NCAM2: variants seen among roughly 807,000 people sequenced by gnomAD.
NCAM2 encodes the protein neural cell adhesion molecule 2, also known as N-CAM-2.
Under a neutral mutation model 98.1 loss-of-function variants are expected in NCAM2, and 30 were observed. The observed-to-expected ratio is 0.31, with a 90% CI of 0.23 to 0.41. The LOEUF (loss-of-function observed/expected upper bound fraction) is 0.41, where lower values mean the gene tolerates loss of function less well. Ranked by LOEUF, NCAM2 falls within the 10% of genes least tolerant of loss-of-function variation. NCAM2 has a pLI of 1.00. For synonymous variants in NCAM2, 368 were observed against 342.4 expected (o/e 1.07, Z -0.83); for missense variants, 867 against 1,005.8 (o/e 0.86, Z 1.87).
At chr21:20,998,974 C>T (rs1601042926) in intron 1 of NCAM2, among the ~76,000 whole-genome samples, 2 of 151,866 alleles carry the variant, frequency 1.3e-5, no homozygotes, top group East Asian at 1.9e-4. Context: ...TCTGAGGTTG[C>T]GGAAGGAAAG....
rs1326060864 is a variant in NCAM2 at position 21,125,500 on chromosome 21, TGTA to T, written c.55+126883_55+126885del. On this transcript the variant is annotated intron_variant, in intron 1 of 17. Coordinates refer to ENST00000400546, the MANE Select transcript of NCAM2 (RefSeq NM_004540.5). ...TCTATATATAGATATATATGTAATA[TGTA>T]ATATTTTACATATATAATATGTAAT... 2.5e-4 allele frequency among the ~76,000 whole-genome samples: 27 copies of T among 107,080 alleles called. 3 individuals are homozygous for T. Among genetic ancestry groups the T allele is most frequent in the African/African-American group, 9.2e-4 (27 of 29,338 alleles). The allele number at this position is 107,080 out of a possible 152,430, so 70.2% of individuals were successfully genotyped here. A position where few individuals can be genotyped will look rare whatever the true frequency, so the allele number is the denominator to read the frequency against.
At chr21:21,165,925 A>G (rs1454816533) in intron 1 of NCAM2, among the ~76,000 whole-genome samples, 3 of 152,158 alleles carry the variant, frequency 2.0e-5, no homozygotes, top group East Asian at 3.9e-4. Context: ...TAAGATTGCT[A>G]TAATTTAATT....
At chr21:21,083,600 A>C (rs2146417129) in intron 1 of NCAM2, among the ~76,000 whole-genome samples, 1 of 152,092 alleles carries the variant, frequency 6.6e-6, no homozygotes, top group South Asian at 2.1e-4. Context: ...TTTTTAGTAG[A>C]GATGAGATTT....
At chr21:21,335,406 G>A (rs188704979) in intron 6 of NCAM2, 99 bp from the exon 7 acceptor site, 187 of 877,598 alleles carry the variant, frequency 2.1e-4, no homozygotes, top group Admixed American at 8.0e-4. Context: ...AATGATGATA[G>A]CCATATAGTC....
intron 6 of NCAM2, among the ~76,000 whole-genome samples, chr21:21,330,485 A>G (rs1214392937): frequency 6.6e-6 from 1 of 152,080 alleles, no homozygotes; most frequent in Non-Finnish European, 1.5e-5. Flanking sequence ...TATACTTATC[A>G]GGAAATAGAC....
intron 1 of NCAM2, among the ~76,000 whole-genome samples, chr21:21,129,378 AG>A (rs2066890358): frequency 6.6e-6 from 1 of 152,194 alleles, no homozygotes. Context: ...AGCAAATAAA[AG>A]AAGGTTAAAG....
At chr21:21,275,956 T>C (rs2072713268) in intron 1 of NCAM2, among the ~76,000 whole-genome samples, 1 of 152,154 alleles carries the variant, frequency 6.6e-6, no homozygotes, top group South Asian at 2.1e-4. Context: ...ATTTTTCCAA[T>C]ATTTCAGCAA....
chr21:21,507,771 A>G lies in NCAM2; in HGVS notation c.2078-1080A>G, dbSNP rs184481061. Among the ~76,000 whole-genome samples the G allele has an allele frequency of 3.8e-3, 540 of 143,916 alleles. 4 individuals are homozygous for G. The highest frequency in any genetic ancestry group is 6.0e-3 in the Non-Finnish European group (399 of 66,134). The allele number at this position is 143,916 out of a possible 152,430, so 94.4% of individuals were successfully genotyped here. On this transcript the variant is annotated intron_variant, in intron 15 of 17. Coordinates refer to ENST00000400546, the MANE Select transcript of NCAM2 (RefSeq NM_004540.5). ...CCCCACTGCACTCCAGCCTGGTGAC[A>G]GAGCAAGACTCCATCTCAAAAAAAA...
intron 1 of NCAM2, among the ~76,000 whole-genome samples, chr21:21,234,361 A>G (rs1010771877): frequency 6.6e-6 from 1 of 151,942 alleles, no homozygotes; most frequent in Non-Finnish European, 1.5e-5. Flanking sequence ...ATGTGAGCAC[A>G]TAATAGATGC....
At chr21:21,534,713 C>T in intron 17 of NCAM2, 57 bp downstream of exon 17, 1 of 1,348,476 alleles carries the variant, frequency 7.4e-7, no homozygotes, top group South Asian at 1.9e-5. Flanking sequence ...AATGATAACA[C>T]ATTATTATTG....
In NCAM2 at chr21:21,359,241, G is replaced by C. The variant is rs544605555; in HGVS notation, c.1045-14622G>C. ...AGAGCAATAATATAAGTCCCTGCTG[G>C]GCAGTAGGCAAAATGGATACTTCTA... On this transcript the variant is annotated intron_variant, in intron 8 of 17. Transcript: ENST00000400546. 4.6e-5 allele frequency among the ~76,000 whole-genome samples: 7 copies of C among 151,892 alleles called. No homozygotes were observed. In the East Asian group the frequency reaches 1.4e-3, roughly 29 times the overall value.
chr21:21,199,880 G>C (rs2069144777), intron 1 of NCAM2, among the ~76,000 whole-genome samples: 1 of 151,882 alleles, frequency 6.6e-6, no homozygotes, highest in Non-Finnish European at 1.5e-5. Flanking sequence ...ACCATTAGAG[G>C]CTGGGCCTTT....
At chr21:21,294,434 T>C (rs1185491676) in intron 5 of NCAM2, among the ~76,000 whole-genome samples, 1 of 151,902 alleles carries the variant, frequency 6.6e-6, no homozygotes, top group Non-Finnish European at 1.5e-5. Context: ...CTGTTTTGTC[T>C]GTATCAGTTG....
At chr21:21,441,484 T>C (rs892667987) in intron 12 of NCAM2, among the ~76,000 whole-genome samples, 1 of 152,198 alleles carries the variant, frequency 6.6e-6, no homozygotes, top group Non-Finnish European at 1.5e-5. Flanking sequence ...TGCTTTCAAA[T>C]ATTTGGACTA....
At chr21:21,397,767 G>A (rs533166856) in intron 9 of NCAM2, among the ~76,000 whole-genome samples, 7 of 152,236 alleles carry the variant, frequency 4.6e-5, no homozygotes, top group Non-Finnish European at 8.8e-5. Flanking sequence ...GGCCCCTGCC[G>A]GCTCTGTGGA....
chr21:21,405,992 T>G (rs2076730759), intron 9 of NCAM2, among the ~76,000 whole-genome samples: 1 of 152,184 alleles, frequency 6.6e-6, no homozygotes, highest in Non-Finnish European at 1.5e-5. Flanking sequence ...CTCTTATTAC[T>G]GATGCATCTG....
At position 21,400,466 on chromosome 21, in the gene NCAM2, A is replaced by G. The variant is rs4145942; in HGVS notation, c.1196-9808A>G. On this transcript the variant is annotated intron_variant, in intron 9 of 17. Coordinates refer to ENST00000400546, the MANE Select transcript of NCAM2 (RefSeq NM_004540.5). The stretch of plus-strand genomic sequence containing the variant: ...GTAATGCACAATTTTTATTAATTAT[A>G]TACTTATTAAGAAGATTTTGGAGTC... 1.8e-4 allele frequency among the ~76,000 whole-genome samples: 27 copies of G among 152,264 alleles called. No homozygotes were observed. In the East Asian group the frequency reaches 3.7e-3, roughly 21 times the overall value.
At chr21:21,362,630 A>T (rs767643956) in intron 8 of NCAM2, among the ~76,000 whole-genome samples, 17 of 152,170 alleles carry the variant, frequency 1.1e-4, no homozygotes, top group Non-Finnish European at 2.2e-4. Flanking sequence ...GGGCATTGCA[A>T]ACTCTTCAGT....
chr21:21,395,524 A>G (rs1292788108), intron 9 of NCAM2, among the ~76,000 whole-genome samples: 1 of 152,182 alleles, frequency 6.6e-6, no homozygotes, highest in Non-Finnish European at 1.5e-5. Flanking sequence ...AAATAATTCT[A>G]AAATTCATAT....
Sources: gnomAD v4.1 joint callset for allele counts (sites outside exome capture counted in the v4.1 genomes callset) on GRCh38, gnomAD v4.1.1 for gene constraint, MANE v1.5 for transcripts, NCBI Gene and HGNC (gene_info 2026-07-23, HGNC 2026-07-21) for gene names.